CDH12: variants seen among roughly 807,000 people sequenced by gnomAD.
The protein encoded by CDH12 is cadherin-12.
A neutral mutation model predicts 74.1 loss-of-function variants in CDH12; 41 were observed. The ratio of observed to expected loss-of-function variants is 0.55; its 90% CI spans 0.43 to 0.72. CDH12 has a LOEUF of 0.72. Ranked by LOEUF, CDH12 falls within the 30% of genes least tolerant of loss-of-function variation. The pLI, the probability that CDH12 is intolerant of heterozygous loss-of-function variation, is 0.00. For missense variants in CDH12, 945 were observed against 977.2 expected (o/e 0.97, Z 0.44); for synonymous variants, 399 against 355.0 (o/e 1.12, Z -1.39).
intron 2 of CDH12, among the ~76,000 whole-genome samples, chr5:22,469,226 T>G (rs1453273407): frequency 6.6e-6 from 1 of 152,200 alleles, no homozygotes; most frequent in Non-Finnish European, 1.5e-5. Flanking sequence ...AAAATTTGAA[T>G]GGTTCTTGTT....
intron 4 of CDH12, among the ~76,000 whole-genome samples, chr5:22,081,639 A>T (rs1022154020): frequency 6.6e-6 from 1 of 152,184 alleles, no homozygotes; most frequent in East Asian, 1.9e-4. Context: ...ACTTTAGAGA[A>T]CACTGACATC....
At chr5:22,772,507 A>T (rs913295563) in intron 1 of CDH12, among the ~76,000 whole-genome samples, 2 of 152,078 alleles carry the variant, frequency 1.3e-5, no homozygotes, top group Non-Finnish European at 2.9e-5. Flanking sequence ...CACTCATTTC[A>T]CCGAGGAATA....
intron 6 of CDH12, among the ~76,000 whole-genome samples, chr5:21,902,924 GA>G (rs1368214888): frequency 6.6e-6 from 1 of 152,064 alleles, no homozygotes; most frequent in African/African-American, 2.4e-5. Context: ...TTGAGCCCAT[GA>G]AAACATTAGG....
At chr5:22,172,096 A>G (rs1749065344) in intron 4 of CDH12, among the ~76,000 whole-genome samples, 1 of 151,936 alleles carries the variant, frequency 6.6e-6, no homozygotes, top group Admixed American at 6.6e-5. Flanking sequence ...CAGAAATGCT[A>G]TGTGAAGTTA....
chr5:21,805,957 T>C (rs915795136), intron 9 of CDH12, among the ~76,000 whole-genome samples: 1 of 152,180 alleles, frequency 6.6e-6, no homozygotes, highest in African/African-American at 2.4e-5. Context: ...GAGAATTTAG[T>C]TGAGCAGCTT....
chr5:22,455,512 A>G (rs1369721414), intron 2 of CDH12, among the ~76,000 whole-genome samples: 1 of 151,168 alleles, frequency 6.6e-6, no homozygotes, highest in Non-Finnish European at 1.5e-5. Flanking sequence ...TTGATTTTAA[A>G]CAGACACTCT....
intron 1 of CDH12, among the ~76,000 whole-genome samples, chr5:22,775,234 T>C (rs1747031028): frequency 6.6e-6 from 1 of 152,068 alleles, no homozygotes; most frequent in South Asian, 2.1e-4. Flanking sequence ...AGGTATGTTA[T>C]AACCTTAACA....
At chr5:21,919,686 A>C (rs1163420650) in intron 6 of CDH12, among the ~76,000 whole-genome samples, 2 of 152,196 alleles carry the variant, frequency 1.3e-5, no homozygotes, top group African/African-American at 2.4e-5. Context: ...ACGGACTGAT[A>C]AATACATAAT....
At chr5:22,756,427 C>T (rs1268817829) in intron 1 of CDH12, among the ~76,000 whole-genome samples, 3 of 152,024 alleles carry the variant, frequency 2.0e-5, no homozygotes, top group Admixed American at 1.3e-4. Context: ...TCTATTCCAT[C>T]CTAATTTATT....
chr5:21,913,672 G>A (rs765382963), intron 6 of CDH12, among the ~76,000 whole-genome samples: 2 of 151,802 alleles, frequency 1.3e-5, no homozygotes, highest in African/African-American at 4.8e-5. Flanking sequence ...GTGGGGTTTT[G>A]TTGTTGTTGT....
intron 2 of CDH12, among the ~76,000 whole-genome samples, chr5:22,418,326 T>C (rs889495481): frequency 7.3e-5 from 11 of 151,514 alleles, no homozygotes; most frequent in Non-Finnish European, 1.5e-5. Context: ...AAGTTACTTA[T>C]CAGCTTAAGG....
At chr5:22,837,976 A>G (rs1349670295) in intron 1 of CDH12, among the ~76,000 whole-genome samples, 1 of 152,174 alleles carries the variant, frequency 6.6e-6, no homozygotes, top group Admixed American at 6.5e-5. Flanking sequence ...ATGGTTGCTG[A>G]TTGAGAATTG....
intron 1 of CDH12, among the ~76,000 whole-genome samples, chr5:22,579,626 C>T (rs1052960004): frequency 1.3e-5 from 2 of 151,450 alleles, no homozygotes; most frequent in African/African-American, 4.9e-5. Context: ...CTTTTCTTTT[C>T]TTTTTTATTT....
Position 22,666,998 on chromosome 5 carries a change from C to G in CDH12, c.-522-161634G>C, listed in dbSNP as rs186931893. Among the ~76,000 whole-genome samples, 133 of 152,328 alleles carry G rather than the reference C, an allele frequency of 8.7e-4. 2 individuals are homozygous for G. The highest frequency in any genetic ancestry group is 3.4e-3 in the Middle Eastern group (1 of 294). ...ATTTGCGCTTTGGCTAATATCCATT[C>G]TGTTCAGTGGCTTTGCTATGCCCCT... On this transcript the variant is annotated intron_variant, in intron 1 of 14. Transcript: ENST00000382254.
chr5:22,813,161 C>T (rs1749229131), intron 1 of CDH12, among the ~76,000 whole-genome samples: 1 of 152,108 alleles, frequency 6.6e-6, no homozygotes, highest in Admixed American at 6.6e-5. Flanking sequence ...TGATTAAATA[C>T]AGCTACTAGG....
At chr5:22,374,951 A>C (rs1002047921) in intron 3 of CDH12, among the ~76,000 whole-genome samples, 11 of 152,160 alleles carry the variant, frequency 7.2e-5, no homozygotes, top group Non-Finnish European at 1.5e-4. Context: ...GAATTAAAAA[A>C]AATCCTAAAA....
At chr5:21,766,583 G>T (rs781618384) in intron 11 of CDH12, among the ~76,000 whole-genome samples, 1 of 151,830 alleles carries the variant, frequency 6.6e-6, no homozygotes, top group Non-Finnish European at 1.5e-5. Flanking sequence ...CAAGGTGTTT[G>T]ATAAATTTTG....
intron 4 of CDH12, among the ~76,000 whole-genome samples, chr5:22,081,394 G>T (rs1404421693): frequency 2.0e-5 from 3 of 152,030 alleles, no homozygotes; most frequent in African/African-American, 7.2e-5. Context: ...AACCTCCAAG[G>T]TGTATTAATT....
intron 5 of CDH12, among the ~76,000 whole-genome samples, chr5:22,016,744 C>T (rs1440528255): frequency 6.6e-6 from 1 of 152,086 alleles, no homozygotes; most frequent in Non-Finnish European, 1.5e-5. Flanking sequence ...GAATATCTTG[C>T]ACAGCAACTC....
Sources: gnomAD v4.1 joint callset for allele counts (sites outside exome capture counted in the v4.1 genomes callset) on GRCh38, gnomAD v4.1.1 for gene constraint, MANE v1.5 for transcripts, NCBI Gene and HGNC (gene_info 2026-07-23, HGNC 2026-07-21) for gene names.